The following CFAP54 variants were observed in gnomAD, a reference collection of about 807,000 sequenced individuals.
CFAP54 encodes the protein cilia- and flagella-associated protein 54.
Under a neutral mutation model 370.4 loss-of-function variants are expected in CFAP54, and 290 were observed. That is an observed-to-expected ratio of 0.78 (90% CI 0.71 to 0.86). CFAP54 has a LOEUF of 0.86. Ranked by LOEUF, CFAP54 falls within the 40% of genes least tolerant of loss-of-function variation. The pLI, the probability that CFAP54 is intolerant of heterozygous loss-of-function variation, is 0.00. For synonymous variants in CFAP54, 1,206 were observed against 1,236.5 expected, an observed-to-expected ratio of 0.98 and a Z score of 0.52; for missense variants, 3,399 against 3,528.7, an observed-to-expected ratio of 0.96 and a Z score of 0.93.
At position 96,739,938 on chromosome 12, in the gene CFAP54, A is replaced by ATATATTTTAAATGTTATCAGTAT; in HGVS notation, c.6966-10_6966-9insAAATGTTATCAGTATTATATTTT. ...AAATATAATACTGATAACATTTAAA[A>ATATATTTTAAATGTTATCAGTAT]TATATTTTCTATTTTAGTGCTGCAA... On this transcript the variant is annotated splice_polypyrimidine_tract_variant and intron_variant, in intron 50 of 67. Transcript: ENST00000524981. 7.5e-7 allele frequency: 1 copy of ATATATTTTAAATGTTATCAGTAT among 1,339,446 alleles called. No individual in the cohort carries two copies. The highest frequency in any genetic ancestry group is 1.5e-5 in the African/African-American group (1 of 68,134). 83.0% of individuals were successfully genotyped at this position (1,339,446 alleles called of 1,614,324 possible).
At chr12:96,657,767 T>C (rs1956938770) in intron 36 of CFAP54, 115 bp from the exon 37 acceptor site, 1 of 772,572 alleles carries the variant, frequency 1.3e-6, no homozygotes, top group Non-Finnish European at 2.1e-6. Flanking sequence ...AAAAATATTT[T>C]TTCTTTTCAG....
intron 66 of CFAP54, among the ~76,000 whole-genome samples, chr12:96,837,807 G>T (rs1959191132): frequency 6.6e-6 from 1 of 152,192 alleles, no homozygotes; most frequent in Non-Finnish European, 1.5e-5. Flanking sequence ...GGGTACAGAA[G>T]TAAAAGCCAG....
intron 17 of CFAP54, among the ~76,000 whole-genome samples, chr12:96,560,065 AAACTC>A (rs1565896719): frequency 6.6e-6 from 1 of 152,308 alleles, no homozygotes; most frequent in Non-Finnish European, 1.5e-5. Context: ...ACAATGTACA[AAACTC>A]AACCCAGGGT....
intron 20 of CFAP54, among the ~76,000 whole-genome samples, chr12:96,579,129 CT>C (rs199825470): frequency 0.013 from 2,011 of 151,740 alleles, 56 homozygotes; most frequent in African/African-American, 0.046. Flanking sequence ...AAAATAGTAT[CT>C]TTTTGCATGG....
At chr12:96,526,653 G>T (rs1453474073) in intron 8 of CFAP54, among the ~76,000 whole-genome samples, 1 of 152,136 alleles carries the variant, frequency 6.6e-6, no homozygotes, top group Non-Finnish European at 1.5e-5. Flanking sequence ...AGCATATGGA[G>T]ATATATGCTT....
intron 67 of CFAP54, among the ~76,000 whole-genome samples, chr12:96,868,711 G>T (rs1960072575): frequency 6.6e-6 from 1 of 152,102 alleles, no homozygotes; most frequent in Non-Finnish European, 1.5e-5. Context: ...AGGAAGACAT[G>T]GTAGAAAAGT....
intron 50 of CFAP54, among the ~76,000 whole-genome samples, chr12:96,729,291 T>C (rs1385462827): frequency 6.6e-6 from 1 of 152,190 alleles, no homozygotes; most frequent in Non-Finnish European, 1.5e-5. Flanking sequence ...AGGTGCAGCC[T>C]ACAGAGGCCG....
intron 26 of CFAP54, among the ~76,000 whole-genome samples, chr12:96,608,061 A>T (rs917484884): frequency 3.9e-5 from 6 of 152,178 alleles, no homozygotes; most frequent in African/African-American, 1.4e-4. Flanking sequence ...CGAAAAGGAG[A>T]GGAATAATGG....
chr12:96,508,115 CCAAA>C (rs1286436289), intron 4 of CFAP54, among the ~76,000 whole-genome samples: 2 of 145,202 alleles, frequency 1.4e-5, no homozygotes, highest in African/African-American at 5.0e-5. Flanking sequence ...AGATCACAAC[CCAAA>C]CATAGTCTTT....
Position 96,580,990 on chromosome 12 carries a change from T to C in CFAP54, c.2960T>C (p.Val987Ala), listed in dbSNP as rs1291084188. 6.5e-7 allele frequency: 1 copy of C among 1,534,500 alleles called. No homozygotes were observed. Among genetic ancestry groups the C allele is most frequent in the Non-Finnish European group, 8.7e-7 (1 of 1,145,864 alleles). The change falls in exon 22 of 68, where the codon GTT becomes GCT. Residue 987 changes from valine to alanine, a missense_variant. Physicochemically the swap from Val to Ala is moderately conservative, Grantham distance 64. Around this residue, in one of 3 missense-constraint regions of CFAP54, gnomAD observed 2,796 missense variants for 2,869.7 expected, o/e 0.97. Coordinates refer to ENST00000524981, the MANE Select transcript of CFAP54 (RefSeq NM_001306084.2). The stretch of plus-strand genomic sequence containing the variant: ...ACCAATGAAAAGTATGTATTTGCAG[T>C]TGCTGCCTATTCTAACAACGGAAAG... ...LETNEKYVFA[V>A]AAYSNNGKLV... is the part of the protein sequence containing the mutation.
At chr12:96,830,324 A>G (rs1959166858) in intron 66 of CFAP54, among the ~76,000 whole-genome samples, 1 of 152,194 alleles carries the variant, frequency 6.6e-6, no homozygotes, top group South Asian at 2.1e-4. Flanking sequence ...CCAACAATGC[A>G]TAGAGGTTCC....
At chr12:96,684,498 C>A (rs1436378727) in intron 40 of CFAP54, 150 bp from the exon 41 acceptor site, 2 of 612,818 alleles carry the variant, frequency 3.3e-6, no homozygotes, top group Non-Finnish European at 5.8e-6. Context: ...GTATATATAT[C>A]GTGTGACATT....
intron 4 of CFAP54, among the ~76,000 whole-genome samples, chr12:96,508,126 C>CTTTTT (rs398020728): frequency 4.5e-4 from 51 of 112,188 alleles, no homozygotes; most frequent in East Asian, 1.6e-3. Context: ...CAAACATAGT[C>CTTTTT]TTTTTTTTTT....
chr12:96,620,194 C>A (rs2136464428), intron 26 of CFAP54, among the ~76,000 whole-genome samples: 1 of 152,248 alleles, frequency 6.6e-6, no homozygotes, highest in African/African-American at 2.4e-5. Flanking sequence ...CTTTATATAT[C>A]CCTTCCCTGC....
intron 6 of CFAP54, among the ~76,000 whole-genome samples, chr12:96,520,467 G>T (rs552543776): frequency 6.6e-6 from 1 of 151,954 alleles, no homozygotes; most frequent in East Asian, 1.9e-4. Context: ...AGCTGAGATC[G>T]CACCGTTGCA....
At chr12:96,631,821 A>G (rs1269385238) in intron 32 of CFAP54, among the ~76,000 whole-genome samples, 1 of 151,512 alleles carries the variant, frequency 6.6e-6, no homozygotes, top group East Asian at 1.9e-4. Flanking sequence ...ACTGTTTTAA[A>G]CAATGTTACA....
chr12:96,500,465 A>C (rs1001085872), intron 1 of CFAP54, among the ~76,000 whole-genome samples: 1 of 152,204 alleles, frequency 6.6e-6, no homozygotes, highest in Non-Finnish European at 1.5e-5. Context: ...ATGATGTGTC[A>C]ATGTAGGTTC....
Position 96,575,692 on chromosome 12 carries a change from TA to T in CFAP54, c.2620-891del, listed in dbSNP as rs996466098. ...AAAGATTTGGTCATATATTTTCTTC[TA>T]AGGGTTTTATAATCTTAGCTCTTAC... On this transcript the variant is annotated intron_variant, in intron 19 of 67. Transcript: ENST00000524981. Among the ~76,000 whole-genome samples, 101 of 152,224 alleles carry T rather than the reference TA, an allele frequency of 6.6e-4. 1 individual carries two copies. Among genetic ancestry groups the T allele is most frequent in the Admixed American group, 3.2e-3 (49 of 15,274 alleles).
intron 6 of CFAP54, among the ~76,000 whole-genome samples, chr12:96,520,581 C>A (rs1955296406): frequency 2.1e-5 from 3 of 144,284 alleles, no homozygotes; most frequent in Non-Finnish European, 4.7e-5. Flanking sequence ...TGTAGAGTGC[C>A]CCTGTATCAA....
Sources: gnomAD v4.1 joint callset for allele counts (sites outside exome capture counted in the v4.1 genomes callset) on GRCh38, gnomAD v4.1.1 for gene constraint, gnomAD v4.1.1 regional missense constraint, MANE v1.5 for transcripts, NCBI Gene and HGNC (gene_info 2026-07-23, HGNC 2026-07-21) for gene names.